The following DCDC1 variants were observed in gnomAD, a reference collection of about 807,000 sequenced individuals.
DCDC1 encodes the protein doublecortin domain containing 1.
A neutral mutation model predicts 178.3 loss-of-function variants in DCDC1; 200 were observed. The ratio of observed to expected loss-of-function variants is 1.12; its 90% CI spans 1.00 to 1.26. DCDC1 has a LOEUF of 1.26. DCDC1 is among the 50% of genes most tolerant of loss of function. The pLI, the probability that DCDC1 is intolerant of heterozygous loss-of-function variation, is 0.00. For missense variants in DCDC1, 1,983 were observed against 1,749.2 expected (o/e 1.13, Z -2.38); for synonymous variants, 690 against 604.8 (o/e 1.14, Z -2.07).
intron 9 of DCDC1, among the ~76,000 whole-genome samples, chr11:31,171,938 A>G (rs1273856960): frequency 6.6e-6 from 1 of 152,214 alleles, no homozygotes; most frequent in Non-Finnish European, 1.5e-5. Context: ...ATATGGTTGA[A>G]AGACTCATGA....
At chr11:30,978,597 G>A (rs1291541795) in intron 20 of DCDC1, among the ~76,000 whole-genome samples, 1 of 151,998 alleles carries the variant, frequency 6.6e-6, no homozygotes, top group Non-Finnish European at 1.5e-5. Flanking sequence ...ATTACCTCAA[G>A]TGTTTATCAT....
At chr11:30,967,921 T>A (rs74970730) in intron 20 of DCDC1, among the ~76,000 whole-genome samples, 1 of 151,466 alleles carries the variant, frequency 6.6e-6, no homozygotes, top group Non-Finnish European at 1.5e-5. Context: ...AGAAAAAAAA[T>A]GATGAGGTAT....
chr11:31,188,620 G>T (rs1969786595), intron 9 of DCDC1, among the ~76,000 whole-genome samples: 2 of 152,156 alleles, frequency 1.3e-5, no homozygotes, highest in Admixed American at 1.3e-4. Context: ...GACATTGGGT[G>T]CCATGTATAC....
At chr11:31,194,698 T>A (rs182169604) in intron 9 of DCDC1, among the ~76,000 whole-genome samples, 64 of 152,174 alleles carry the variant, frequency 4.2e-4, no homozygotes, top group Middle Eastern at 6.8e-3. Flanking sequence ...GCCATTTGTT[T>A]CATTTTTTTT....
chr11:31,255,509 T>C (rs1944357864), intron 8 of DCDC1, among the ~76,000 whole-genome samples: 1 of 152,146 alleles, frequency 6.6e-6, no homozygotes, highest in Non-Finnish European at 1.5e-5. Flanking sequence ...GTGAGTTTTA[T>C]TATAGCCATC....
In DCDC1 at chr11:30,901,677, T is replaced by C. The variant is rs549313046; in HGVS notation, c.4511-1179A>G. ...GAATGCCCTTTTGATAGTCCTACAC[T>C]AATAATATTACTCCAACCAGGCTTT... On this transcript the variant is annotated intron_variant, in intron 32 of 38. Coordinates refer to ENST00000684477, the MANE Select transcript of DCDC1 (RefSeq NM_001387274.1). Among the ~76,000 whole-genome samples the C allele has an allele frequency of 6.6e-5, 10 of 152,254 alleles. No homozygotes were observed. In the South Asian group the frequency reaches 1.5e-3, roughly 22 times the overall value.
chr11:31,349,125 A>G (rs1228796552), intron 1 of DCDC1, among the ~76,000 whole-genome samples: 2 of 152,172 alleles, frequency 1.3e-5, no homozygotes, highest in Non-Finnish European at 2.9e-5. Flanking sequence ...TGCTTGTTTA[A>G]TAGCTATAAT....
rs1423862814 is a variant in DCDC1, at chr11:30,868,067, T to G, written c.*41-2735A>C. On this transcript the variant is annotated intron_variant, in intron 38 of 38. Coordinates refer to ENST00000684477, the MANE Select transcript of DCDC1 (RefSeq NM_001387274.1). The stretch of plus-strand genomic sequence containing the variant: ...GAACCAGAATAGATCCAAAGATATG[T>G]AAAATAGTCTCAGAATAAGCCTTTG... Among the ~76,000 whole-genome samples the G allele has an allele frequency of 4.6e-5, 7 of 152,140 alleles. No individual in the cohort carries two copies. The South Asian group carries it at 8.3e-4, about 18-fold the overall frequency.
At chr11:30,927,784 AGT>A (rs1175901844) in intron 22 of DCDC1, among the ~76,000 whole-genome samples, 1 of 152,186 alleles carries the variant, frequency 6.6e-6, no homozygotes, top group Non-Finnish European at 1.5e-5. Context: ...AATTGTCTAG[AGT>A]GAATTATTAA....
At chr11:31,164,286 T>C (rs969916790) in intron 9 of DCDC1, among the ~76,000 whole-genome samples, 3 of 152,096 alleles carry the variant, frequency 2.0e-5, no homozygotes, top group African/African-American at 7.2e-5. Context: ...GTAGCAAATC[T>C]ATGATGAAAA....
chr11:31,279,934 T>C (rs569584646), intron 7 of DCDC1, among the ~76,000 whole-genome samples: 1 of 152,208 alleles, frequency 6.6e-6, no homozygotes, highest in East Asian at 1.9e-4. Flanking sequence ...TTTTTTATTC[T>C]GTAATAGGAA....
At chr11:31,150,188 T>C (rs559925968) in intron 9 of DCDC1, among the ~76,000 whole-genome samples, 6 of 152,276 alleles carry the variant, frequency 3.9e-5, no homozygotes, top group Non-Finnish European at 8.8e-5. Context: ...CTTCTAAAAA[T>C]TTGTCAACAG....
At chr11:31,278,670 T>C (rs746483647) in intron 7 of DCDC1, among the ~76,000 whole-genome samples, 2 of 152,142 alleles carry the variant, frequency 1.3e-5, no homozygotes, top group Non-Finnish European at 2.9e-5. Context: ...TTTTATGTAT[T>C]TTTATGACAA....
chr11:31,165,252 T>A (rs1038645242), intron 9 of DCDC1, among the ~76,000 whole-genome samples: 2 of 152,198 alleles, frequency 1.3e-5, no homozygotes, highest in African/African-American at 4.8e-5. Context: ...CATTATAATA[T>A]GTAAGCAATT....
intron 9 of DCDC1, among the ~76,000 whole-genome samples, chr11:31,142,776 T>C (rs1454704256): frequency 6.6e-6 from 1 of 152,142 alleles, no homozygotes; most frequent in Non-Finnish European, 1.5e-5. Context: ...CTAAGGACTA[T>C]GAAGAAGCAC....
intron 8 of DCDC1, among the ~76,000 whole-genome samples, chr11:31,265,077 C>G (rs1429863301): frequency 6.6e-6 from 1 of 152,048 alleles, no homozygotes; most frequent in Non-Finnish European, 1.5e-5. Flanking sequence ...CCAAACTGAA[C>G]TACATTTAGT....
chr11:31,141,989 C>T (rs959837893), intron 9 of DCDC1, among the ~76,000 whole-genome samples: 1 of 152,300 alleles, frequency 6.6e-6, no homozygotes, highest in African/African-American at 2.4e-5. Flanking sequence ...CTGAAGAAGT[C>T]GGCTTTCAAA....
At chr11:31,003,830 T>G (rs528816987) in intron 20 of DCDC1, among the ~76,000 whole-genome samples, 28 of 152,152 alleles carry the variant, frequency 1.8e-4, no homozygotes, top group Non-Finnish European at 4.0e-4. Flanking sequence ...AAGAGCACAA[T>G]GTAGGAAATG....
At chr11:31,269,183 T>G (rs1414222235) in intron 7 of DCDC1, among the ~76,000 whole-genome samples, 2 of 152,148 alleles carry the variant, frequency 1.3e-5, no homozygotes, top group Non-Finnish European at 2.9e-5. Flanking sequence ...GTGGTATGAA[T>G]TAGTAGCACT....
Sources: allele counts gnomAD v4.1 joint callset (sites outside exome capture counted in the v4.1 genomes callset), GRCh38; gene constraint gnomAD v4.1.1; transcripts MANE v1.5; gene names NCBI Gene and HGNC (gene_info 2026-07-23, HGNC 2026-07-21).